TFB1M: variants seen among roughly 807,000 people sequenced by gnomAD.
TFB1M encodes transcription factor B1, mitochondrial.
TFB1M carries 27 observed loss-of-function variants against 31.1 expected under a neutral mutation model. The observed-to-expected ratio is 0.87, with a 90% confidence interval of 0.64 to 1.20. The LOEUF (loss-of-function observed/expected upper bound fraction) is 1.20, where lower values mean the gene tolerates loss of function less well. TFB1M is among the 50% of genes most tolerant of loss of function. TFB1M has a pLI of 0.00. For missense variants in TFB1M, 394 were observed against 418.7 expected, an observed-to-expected ratio of 0.94 and a Z score of 0.51; for synonymous variants, 166 against 151.8, an observed-to-expected ratio of 1.09 and a Z score of -0.69.
chr6:155,306,095 C>G (rs1254918505), intron 2 of TFB1M, among the ~76,000 whole-genome samples: 1 of 151,908 alleles, frequency 6.6e-6, no homozygotes, highest in East Asian at 1.9e-4. Flanking sequence ...ATAAGCACAT[C>G]GTATGTCCAG....
chr6:155,242,576 A>G, the TFB1M span, among the ~76,000 whole-genome samples: 1 of 152,204 alleles, frequency 6.6e-6, no homozygotes. Flanking sequence ...TTTGGGCTTT[A>G]TAAAGCTCTG....
the TFB1M span, chr6:155,250,980 C>T: frequency 6.2e-7 from 1 of 1,614,172 alleles, no homozygotes; most frequent in Admixed American, 1.7e-5. Context: ...CCATTTCTGT[C>T]TCTAGGAAAA....
At chr6:155,290,291 C>T (rs577596454) in intron 4 of TFB1M, among the ~76,000 whole-genome samples, 98 of 147,990 alleles carry the variant, frequency 6.6e-4, no homozygotes, top group Non-Finnish European at 1.2e-3. Context: ...GAGGCTGAGG[C>T]AGTTGAATGG....
the TFB1M span, chr6:155,250,083 T>C: frequency 1.5e-6 from 1 of 689,518 alleles, no homozygotes; most frequent in Non-Finnish European, 2.5e-6. Context: ...ATGCCTAAGA[T>C]TTTTCTTGAT....
At chr6:155,263,610 C>A (rs527887374) in intron 5 of TFB1M, among the ~76,000 whole-genome samples, 2 of 152,228 alleles carry the variant, frequency 1.3e-5, no homozygotes, top group South Asian at 2.1e-4. Context: ...GCACTTGGAA[C>A]TCACAAGGGA....
intron 5 of TFB1M, among the ~76,000 whole-genome samples, chr6:155,263,604 T>C (rs924815813): frequency 1.3e-5 from 2 of 152,144 alleles, no homozygotes; most frequent in Admixed American, 1.3e-4. Flanking sequence ...AGAGCAGCAC[T>C]TGGAACTCAC....
downstream of TFB1M, chr6:155,253,974 G>T (rs751913704): frequency 3.3e-5 from 53 of 1,611,738 alleles, no homozygotes; most frequent in Non-Finnish European, 4.2e-5. Flanking sequence ...TTTACATAGG[G>T]ACAGAAAATA....
At chr6:155,234,895 C>T in the TFB1M span, among the ~76,000 whole-genome samples, 19 of 152,318 alleles carry the variant, frequency 1.2e-4, 1 homozygote, top group East Asian at 1.3e-3. Context: ...CAGCAGGAGG[C>T]GTGAGGAACT....
the TFB1M span, chr6:155,240,538 G>A: frequency 1.9e-6 from 3 of 1,612,068 alleles, no homozygotes; most frequent in East Asian, 6.7e-5. Context: ...AGAGTGCTGA[G>A]CAGATCACTG....
At chr6:155,254,091 C>A, downstream of TFB1M, 1 of 1,587,876 alleles carries the variant, frequency 6.3e-7, no homozygotes, top group Non-Finnish European at 8.6e-7. Flanking sequence ...TTAAAACCAA[C>A]AGAAATAACA....
At chr6:155,245,760 T>TTTG in the TFB1M span, 1 of 1,447,648 alleles carries the variant, frequency 6.9e-7, no homozygotes. Flanking sequence ...TTATAGTTTT[T>TTTG]TTTTTTTTTT....
chr6:155,240,600 G>C, the TFB1M span: 1 of 1,614,144 alleles, frequency 6.2e-7, no homozygotes, highest in South Asian at 1.1e-5. Context: ...GAAGGACCGC[G>C]GGAGAATCAG....
At chr6:155,292,188 C>A (rs957580705) in intron 4 of TFB1M, among the ~76,000 whole-genome samples, 4 of 152,118 alleles carry the variant, frequency 2.6e-5, no homozygotes, top group African/African-American at 9.7e-5. Flanking sequence ...GGAGCCAGAC[C>A]TGGAGATCTG....
intron 4 of TFB1M, among the ~76,000 whole-genome samples, chr6:155,285,494 T>C (rs1349470449): frequency 1.3e-5 from 2 of 152,188 alleles, no homozygotes; most frequent in African/African-American, 2.4e-5. Flanking sequence ...ATGTCATATA[T>C]AATGCACTAC....
intron 5 of TFB1M, among the ~76,000 whole-genome samples, chr6:155,280,877 A>G (rs189121417): frequency 1.5e-4 from 23 of 152,330 alleles, no homozygotes; most frequent in Admixed American, 1.0e-3. Flanking sequence ...ACGCTCTTCA[A>G]AAGTCAAGAG....
At chr6:155,301,051 C>T (rs1004593235) in intron 2 of TFB1M, among the ~76,000 whole-genome samples, 7 of 152,050 alleles carry the variant, frequency 4.6e-5, no homozygotes, top group African/African-American at 9.7e-5. Context: ...GTGATCTGCC[C>T]GCCTTGGCCT....
At chr6:155,300,191 T>G (rs1204400368) in intron 2 of TFB1M, among the ~76,000 whole-genome samples, 2 of 152,200 alleles carry the variant, frequency 1.3e-5, no homozygotes, top group Non-Finnish European at 2.9e-5. Flanking sequence ...TTTATACAAA[T>G]AATCTTCCAG....
chr6:155,275,525 C>T, intron 5 of TFB1M: 1 of 581,306 alleles, frequency 1.7e-6, no homozygotes, highest in Non-Finnish European at 3.0e-6. Context: ...AAGGGGGATA[C>T]TCAGATGTGT....
chr6:155,274,076 C>T (rs1785060703), intron 5 of TFB1M, among the ~76,000 whole-genome samples: 1 of 152,172 alleles, frequency 6.6e-6, no homozygotes, highest in African/African-American at 2.4e-5. Flanking sequence ...GTATTTCAAT[C>T]CTCCCCATTT....
Sources: allele counts gnomAD v4.1 joint callset (sites outside exome capture counted in the v4.1 genomes callset), GRCh38; gene constraint gnomAD v4.1.1; transcripts MANE v1.5; gene names NCBI Gene and HGNC (gene_info 2026-07-23, HGNC 2026-07-21).